FRK: variants seen among roughly 807,000 people sequenced by gnomAD.
FRK encodes fyn related Src family tyrosine kinase.
In FRK, 51 loss-of-function variants were observed where a neutral mutation model predicts 56.4. That is an observed-to-expected ratio of 0.90 (90% CI 0.72 to 1.14). The LOEUF (loss-of-function observed/expected upper bound fraction) is 1.14, where lower values mean the gene tolerates loss of function less well. Among genes scored for constraint, FRK ranks in the 50% most tolerant of loss-of-function variants. FRK has a pLI of 0.00. For synonymous variants in FRK, 245 were observed against 217.9 expected, an observed-to-expected ratio of 1.12 and a Z score of -1.10; for missense variants, 570 against 601.4, an observed-to-expected ratio of 0.95 and a Z score of 0.55.
chr6:116,060,070 A>T lies in FRK; in HGVS notation c.242T>A (p.Phe81Tyr). ...VLDTLHEGWW[F>Y]ARHLEKRRDG... Reference sequence around the variant, plus strand: ...TCGTCTTTTCTCCAAGTGTCTGGCAAACCACCAGCCCTCATGCAAAGTGTC... The same window carrying T: ...TCGTCTTTTCTCCAAGTGTCTGGCATACCACCAGCCCTCATGCAAAGTGTC... Residue 81 changes from phenylalanine (F) to tyrosine (Y), a missense_variant, in exon 1 of 8, where the codon TTT becomes TAT. Phe to Tyr is a conservative substitution (Grantham distance 22, BLOSUM62 3). Transcript: ENST00000606080. 1 of 1,614,148 alleles carries T rather than the reference A, an allele frequency of 6.2e-7. No individual in the cohort carries two copies. Among genetic ancestry groups the T allele is most frequent in the Non-Finnish European group, 8.5e-7 (1 of 1,180,044 alleles).
At chr6:116,012,066 C>T (rs1172533274) in intron 1 of FRK, among the ~76,000 whole-genome samples, 2 of 152,148 alleles carry the variant, frequency 1.3e-5, no homozygotes, top group South Asian at 2.1e-4. Flanking sequence ...AATTCAACAT[C>T]GCCTCTTGGA....
intron 5 of FRK, among the ~76,000 whole-genome samples, chr6:115,949,044 C>G (rs1433741734): frequency 6.6e-6 from 1 of 152,136 alleles, no homozygotes; most frequent in Non-Finnish European, 1.5e-5. Context: ...CACTTTGTAG[C>G]AACTGCAAAA....
rs942057087 is a variant in FRK at position 115,941,608 on chromosome 6, A to G, written c.*806T>C. ...ACAGCAATCCTACTGTTCTCCTCTC[A>G]TTTTCCTAAACTATTTTGATACCTA... is the stretch of plus-strand genomic sequence containing the variant. On this transcript the variant is annotated 3_prime_UTR_variant, in exon 8 of 8. Transcript: ENST00000606080. The G allele has an allele frequency of 2.0e-5, 3 of 152,052 alleles. No individual in the cohort carries two copies. Among genetic ancestry groups the G allele is most frequent in the Admixed American group, 6.6e-5 (1 of 15,258 alleles). The allele number at this position is 152,052 out of a possible 1,614,324, so 9.4% of individuals were successfully genotyped here.
At chr6:115,996,174 T>C (rs1774832416) in intron 2 of FRK, among the ~76,000 whole-genome samples, 1 of 152,170 alleles carries the variant, frequency 6.6e-6, no homozygotes, top group Non-Finnish European at 1.5e-5. Context: ...ATTTAATATG[T>C]GTCTCTTCTT....
chr6:116,027,953 T>C (rs541324801), intron 1 of FRK, among the ~76,000 whole-genome samples: 39 of 152,148 alleles, frequency 2.6e-4, no homozygotes, highest in African/African-American at 8.7e-4. Flanking sequence ...CTATCCAGTA[T>C]CTACAGGAAA....
intron 1 of FRK, among the ~76,000 whole-genome samples, chr6:116,023,473 C>T (rs1463521804): frequency 1.3e-5 from 2 of 152,134 alleles, no homozygotes; most frequent in African/African-American, 4.8e-5. Flanking sequence ...ACTAATGATA[C>T]ATACAACAAT....
At chr6:115,945,720 AC>A (rs1297953756) in intron 5 of FRK, among the ~76,000 whole-genome samples, 1 of 152,128 alleles carries the variant, frequency 6.6e-6, no homozygotes. Flanking sequence ...TATGAATATT[AC>A]ATTTGTACCA....
intron 2 of FRK, among the ~76,000 whole-genome samples, chr6:115,975,124 C>A (rs904013863): frequency 3.3e-5 from 5 of 152,084 alleles, no homozygotes; most frequent in Non-Finnish European, 7.4e-5. Flanking sequence ...GACTTCCCTG[C>A]AATCTTATTT....
intron 2 of FRK, among the ~76,000 whole-genome samples, chr6:115,990,896 T>C (rs1460169088): frequency 1.3e-5 from 2 of 151,958 alleles, no homozygotes; most frequent in African/African-American, 2.4e-5. Flanking sequence ...ATTCTTCCTA[T>C]CCATGAGCAT....
At chr6:115,988,699 A>AGTGTCCT (rs1774477807) in intron 2 of FRK, among the ~76,000 whole-genome samples, 1 of 151,988 alleles carries the variant, frequency 6.6e-6, no homozygotes, top group Admixed American at 6.6e-5. Flanking sequence ...TCAACATCAT[A>AGTGTCCT]GTGTCCTGTT....
chr6:116,039,514 A>G (rs1582744689), intron 1 of FRK: 1 of 1,374,568 alleles, frequency 7.3e-7, no homozygotes, highest in Non-Finnish European at 1.0e-6. Flanking sequence ...CATCTTCCCT[A>G]CCCTTCCTGC....
At chr6:115,992,845 A>G (rs1464162566) in intron 2 of FRK, among the ~76,000 whole-genome samples, 2 of 151,848 alleles carry the variant, frequency 1.3e-5, no homozygotes, top group Non-Finnish European at 3.0e-5. Context: ...TGAGGTTTGT[A>G]AAGGAGAGCT....
At chr6:115,974,714 C>T (rs553538691) in intron 2 of FRK, among the ~76,000 whole-genome samples, 4 of 152,186 alleles carry the variant, frequency 2.6e-5, no homozygotes, top group African/African-American at 7.2e-5. Context: ...GATCTGTTTG[C>T]GTAGTCCTTT....
intron 2 of FRK, among the ~76,000 whole-genome samples, chr6:115,994,353 A>C (rs1330320959): frequency 2.1e-5 from 2 of 94,050 alleles, no homozygotes; most frequent in African/African-American, 7.8e-5. Context: ...TTTTGTCATT[A>C]TACTCATCTT....
intron 1 of FRK, 55 bp downstream of exon 1, chr6:116,059,913 T>C: frequency 6.9e-7 from 1 of 1,441,274 alleles, no homozygotes. Context: ...AAAGGAAAAC[T>C]CATTACCCAG....
rs77294055 is a variant in FRK, at chr6:116,020,503, C to A, written c.345-16505G>T. Among the ~76,000 whole-genome samples the A allele has an allele frequency of 1.2e-4, 18 of 152,176 alleles. No individual in the cohort carries two copies. In the East Asian group the frequency reaches 3.5e-3, roughly 29 times the overall value. ...ATGGGGTTTCACCATGTTGGCCAGG[C>A]TGGTTTGAACTCCTGACCTCAGGTG... On this transcript the variant is annotated intron_variant, in intron 1 of 7. Coordinates refer to ENST00000606080, the MANE Select transcript of FRK (RefSeq NM_002031.3).
chr6:116,097,944 G>A, the FRK span, among the ~76,000 whole-genome samples: 26,018 of 151,748 alleles, frequency 0.17, 2,641 homozygotes, highest in African/African-American at 0.28. Context: ...CTTATTAACT[G>A]CCTTAGTTGG....
intron 1 of FRK, among the ~76,000 whole-genome samples, chr6:116,042,098 G>A (rs1024369419): frequency 1.3e-5 from 2 of 152,132 alleles, no homozygotes; most frequent in Non-Finnish European, 2.9e-5. Context: ...TTGAGTAGGC[G>A]GTTTTTCCCT....
chr6:115,997,030 CA>C (rs1436430406), intron 2 of FRK, among the ~76,000 whole-genome samples: 5 of 152,092 alleles, frequency 3.3e-5, no homozygotes, highest in African/African-American at 1.2e-4. Flanking sequence ...GTTAATCATC[CA>C]TATTATTCAG....
Sources: allele counts gnomAD v4.1 joint callset (sites outside exome capture counted in the v4.1 genomes callset), GRCh38; gene constraint gnomAD v4.1.1; transcripts MANE v1.5; gene names NCBI Gene and HGNC (gene_info 2026-07-23, HGNC 2026-07-21).